SMAP1: variants seen among roughly 807,000 people sequenced by gnomAD.
SMAP1 encodes the protein small ArfGAP 1.
In SMAP1, 24 loss-of-function variants were observed where a neutral mutation model predicts 58.5. The ratio of observed to expected loss-of-function variants is 0.41; its 90% confidence interval spans 0.30 to 0.58. The LOEUF is 0.58. Among genes scored for constraint, SMAP1 ranks in the 20% least tolerant of loss-of-function variants. The pLI, the probability that SMAP1 is intolerant of heterozygous loss-of-function variation, is 0.29. For synonymous variants in SMAP1, 216 were observed against 196.6 expected, an observed-to-expected ratio of 1.10 and a Z score of -0.82; for missense variants, 563 against 566.3, an observed-to-expected ratio of 0.99 and a Z score of 0.06.
intron 6 of SMAP1, 114 bp from the exon 7 acceptor site, chr6:70,836,827 A>G (rs996065422): frequency 3.8e-6 from 3 of 794,866 alleles, no homozygotes; most frequent in Non-Finnish European, 5.7e-6. Flanking sequence ...TTATTATACT[A>G]TGTTTCATAT....
intron 1 of SMAP1, among the ~76,000 whole-genome samples, chr6:70,672,887 C>G (rs1562083988): frequency 6.6e-6 from 1 of 151,672 alleles, no homozygotes; most frequent in Non-Finnish European, 1.5e-5. Flanking sequence ...CACACATGTA[C>G]CAGTATGAAA....
At chr6:70,751,499 A>T (rs185033446) in intron 2 of SMAP1, among the ~76,000 whole-genome samples, 77 of 152,286 alleles carry the variant, frequency 5.1e-4, no homozygotes, top group African/African-American at 1.6e-3. Context: ...AAAAATATTT[A>T]AAAAATAAAT....
chr6:70,827,498 G>A (rs2149988818), intron 6 of SMAP1, among the ~76,000 whole-genome samples: 1 of 152,278 alleles, frequency 6.6e-6, no homozygotes, highest in Middle Eastern at 3.4e-3. Flanking sequence ...TTTATGCATG[G>A]CTGTAGCATA....
At chr6:70,769,346 T>C (rs965556571) in intron 3 of SMAP1, among the ~76,000 whole-genome samples, 36 of 152,140 alleles carry the variant, frequency 2.4e-4, no homozygotes, top group Non-Finnish European at 4.7e-4. Flanking sequence ...ATGTTGACAG[T>C]GGGGTGTTAA....
intron 6 of SMAP1, among the ~76,000 whole-genome samples, chr6:70,821,752 A>G (rs913551260): frequency 1.3e-5 from 2 of 152,186 alleles, no homozygotes; most frequent in African/African-American, 4.8e-5. Context: ...ATTTACTACA[A>G]TGCCCGCAAG....
intron 1 of SMAP1, among the ~76,000 whole-genome samples, chr6:70,688,439 T>C (rs1767021483): frequency 6.6e-6 from 1 of 152,204 alleles, no homozygotes; most frequent in Admixed American, 6.5e-5. Flanking sequence ...GCTATTTAGT[T>C]GGTCCTTTGC....
intron 7 of SMAP1, among the ~76,000 whole-genome samples, chr6:70,851,024 ATTGT>A (rs1771165181): frequency 6.6e-6 from 1 of 152,254 alleles, no homozygotes; most frequent in South Asian, 2.1e-4. Context: ...ATCTATGTAC[ATTGT>A]TTTATTTCTT....
chr6:70,783,792 T>A (rs1582176517), intron 4 of SMAP1, among the ~76,000 whole-genome samples: 1 of 152,142 alleles, frequency 6.6e-6, no homozygotes, highest in East Asian at 1.9e-4. Context: ...CCAAGAAATA[T>A]GGGACTATGT....
At chr6:70,846,332 A>G (rs77359258) in intron 7 of SMAP1, among the ~76,000 whole-genome samples, 86,821 of 151,168 alleles carry the variant, frequency 0.57, 25,358 homozygotes, top group East Asian at 0.76. Flanking sequence ...TATGTGCCTT[A>G]ATCCACGCAT....
intron 3 of SMAP1, among the ~76,000 whole-genome samples, chr6:70,763,794 T>C (rs897944940): frequency 6.6e-6 from 1 of 152,240 alleles, no homozygotes; most frequent in Non-Finnish European, 1.5e-5. Context: ...AACATTTCCT[T>C]AAGCCAAAGC....
intron 1 of SMAP1, among the ~76,000 whole-genome samples, chr6:70,675,205 T>C (rs1268738080): frequency 1.4e-5 from 2 of 146,800 alleles, no homozygotes; most frequent in Non-Finnish European, 3.0e-5. Flanking sequence ...AGTGTTTTTT[T>C]TTTTTTTTTT....
chr6:70,789,724 CAAAAA>C (rs35376781), intron 4 of SMAP1, among the ~76,000 whole-genome samples: 1 of 73,770 alleles, frequency 1.4e-5, no homozygotes, highest in African/African-American at 5.5e-5. Context: ...GACTCTGTCT[CAAAAA>C]AAAAAAAAAA....
intron 2 of SMAP1, among the ~76,000 whole-genome samples, chr6:70,751,331 AG>A (rs1766267309): frequency 1.3e-5 from 2 of 152,166 alleles, no homozygotes; most frequent in Non-Finnish European, 1.5e-5. Context: ...TTTTTCTTAA[AG>A]TAAACATGAA....
chr6:70,684,536 A>G (rs1018615016), intron 1 of SMAP1, among the ~76,000 whole-genome samples: 1 of 152,210 alleles, frequency 6.6e-6, no homozygotes, highest in Non-Finnish European at 1.5e-5. Context: ...TTATTTTATA[A>G]CATTCTAATG....
intron 1 of SMAP1, among the ~76,000 whole-genome samples, chr6:70,723,169 T>C (rs949519310): frequency 6.6e-6 from 1 of 152,208 alleles, no homozygotes. Flanking sequence ...GGTCTTGTTA[T>C]ATTGCTCAGG....
chr6:70,846,523 T>A (rs891586722), intron 7 of SMAP1, among the ~76,000 whole-genome samples: 2 of 152,152 alleles, frequency 1.3e-5, no homozygotes, highest in Non-Finnish European at 2.9e-5. Flanking sequence ...ATAAGATGCT[T>A]GGGAAGGCTT....
intron 4 of SMAP1, among the ~76,000 whole-genome samples, chr6:70,789,469 T>C (rs1768241651): frequency 6.6e-6 from 1 of 152,082 alleles, no homozygotes; most frequent in South Asian, 2.1e-4. Flanking sequence ...TCTTCCGTTA[T>C]GTTTCTGATT....
intron 9 of SMAP1, chr6:70,857,403 C>G (rs1012010631): frequency 5.9e-6 from 1 of 169,382 alleles, no homozygotes; most frequent in African/African-American, 2.4e-5. Flanking sequence ...TAAAAAAAAT[C>G]TATGAATTTT....
chr6:70,701,502 C>G (rs927237155), intron 1 of SMAP1, among the ~76,000 whole-genome samples: 6 of 152,188 alleles, frequency 3.9e-5, no homozygotes, highest in African/African-American at 1.4e-4. Context: ...AGTGCTTTAG[C>G]ATGCACTGGT....
Sources: allele counts gnomAD v4.1 joint callset (sites outside exome capture counted in the v4.1 genomes callset), GRCh38; gene constraint gnomAD v4.1.1; transcripts MANE v1.5; gene names NCBI Gene and HGNC (gene_info 2026-07-23, HGNC 2026-07-21).